The following CEP126 variants were observed in gnomAD, a reference collection of about 807,000 sequenced individuals.
CEP126 encodes centrosomal protein 126.
CEP126 carries 74 observed loss-of-function variants against 107.8 expected under a neutral mutation model. The ratio of observed to expected loss-of-function variants is 0.69; its 90% CI spans 0.57 to 0.83. The LOEUF (loss-of-function observed/expected upper bound fraction) is 0.83, where lower values mean the gene tolerates loss of function less well. Among genes scored for constraint, CEP126 ranks in the 40% least tolerant of loss-of-function variants. CEP126 has a pLI of 0.00. For synonymous variants in CEP126, 449 were observed against 446.0 expected (o/e 1.01, Z -0.08); for missense variants, 1,237 against 1,281.9 (o/e 0.96, Z 0.53).
At chr11:101,919,771 G>A (rs973083682) in intron 1 of CEP126, among the ~76,000 whole-genome samples, 21 of 152,236 alleles carry the variant, frequency 1.4e-4, no homozygotes, top group African/African-American at 4.8e-4. Flanking sequence ...TTATGCTGTC[G>A]TGATGAGACT....
chr11:101,961,979 A>G lies in CEP126; in HGVS notation c.944A>G (p.Asn315Ser). ...KTQHINNWLT[N>S]LDASNTQNVT... ...CAACATATAAATAATTGGCTTACAAATTTAGATGCTTCAAATACTCAGAAT... is the reference window on the plus strand; with the variant it reads ...CAACATATAAATAATTGGCTTACAAGTTTAGATGCTTCAAATACTCAGAAT... Residue 315 changes from asparagine (N) to serine (S), a missense_variant, in exon 6 of 11, where the codon AAT becomes AGT. By Grantham distance (46) the Asn-to-Ser change is conservative. Coordinates refer to ENST00000263468, the MANE Select transcript of CEP126 (RefSeq NM_020802.4). The G allele has an allele frequency of 6.2e-7, 1 of 1,611,946 alleles. No individual in the cohort carries two copies. Among genetic ancestry groups the G allele is most frequent in the Non-Finnish European group, 8.5e-7 (1 of 1,179,020 alleles).
At chr11:101,923,217 G>T (rs1417310945) in intron 2 of CEP126, among the ~76,000 whole-genome samples, 1 of 151,856 alleles carries the variant, frequency 6.6e-6, no homozygotes, top group Admixed American at 6.6e-5. Flanking sequence ...TATGAATAAT[G>T]GTATAAAAAT....
In CEP126 at chr11:101,925,638, G is replaced by A. The variant is rs145832916; in HGVS notation, c.248+2878G>A. Among the ~76,000 whole-genome samples the A allele has an allele frequency of 5.4e-3, 762 of 141,642 alleles. 10 individuals carry two copies. The highest frequency in any genetic ancestry group is 0.019 in the African/African-American group (714 of 37,846). 92.9% of individuals were successfully genotyped at this position (141,642 alleles called of 152,430 possible). A position where few individuals can be genotyped will look rare whatever the true frequency, so the allele number is the denominator to read the frequency against. On this transcript the variant is annotated intron_variant, in intron 2 of 10. Coordinates refer to ENST00000263468, the MANE Select transcript of CEP126 (RefSeq NM_020802.4). ...ACAAAAACTAGCCAGGTGTTGTGGC[G>A]GGTGCCTATAATCCCAGCTACTCAG...
At position 101,999,524 on chromosome 11, in the gene CEP126, G is replaced by A. The variant is rs1443219441; in HGVS notation, c.*1881G>A. 6.7e-6 allele frequency: 1 copy of A among 148,866 alleles called. No homozygotes were observed. The highest frequency in any genetic ancestry group is 1.5e-5 in the Non-Finnish European group (1 of 67,620). The allele number at this position is 148,866 out of a possible 1,614,324, so 9.2% of individuals were successfully genotyped here. A position where few individuals can be genotyped will look rare whatever the true frequency, so the allele number is the denominator to read the frequency against. Reference sequence around the variant, plus strand: ...AAAAAAAAAGCCTAAATAGTAAGCTGGTGAAACAAGATAAGATTTGCATTT... The same window carrying A: ...AAAAAAAAAGCCTAAATAGTAAGCTAGTGAAACAAGATAAGATTTGCATTT... On this transcript the variant is annotated 3_prime_UTR_variant, in exon 11 of 11. Transcript: ENST00000263468.
intron 2 of CEP126, among the ~76,000 whole-genome samples, chr11:101,939,388 ATT>A (rs2137092337): frequency 6.6e-6 from 1 of 152,322 alleles, no homozygotes; most frequent in Non-Finnish European, 1.5e-5. Flanking sequence ...ACTCTAATAA[ATT>A]TGTCTGGTAT....
intron 6 of CEP126, among the ~76,000 whole-genome samples, chr11:101,970,969 G>A (rs1941120715): frequency 6.6e-6 from 1 of 152,016 alleles, no homozygotes; most frequent in African/African-American, 2.4e-5. Context: ...GAGCTACTTT[G>A]TTTCTTCATT....
intron 4 of CEP126, among the ~76,000 whole-genome samples, chr11:101,950,788 A>T (rs988710375): frequency 1.3e-5 from 2 of 152,200 alleles, no homozygotes; most frequent in African/African-American, 2.4e-5. Flanking sequence ...ACAGGGGATG[A>T]TCTAGAAATG....
rs778063292 is a variant in CEP126, at chr11:101,962,678, A to T, written c.1643A>T (p.Asn548Ile). ...QKLAETSSLS[N>I]VTSNYDFVGQ... ...TTAGCTGAAACATCATCCTTGTCTA[A>T]TGTAACTTCTAATTATGACTTTGTT... The change falls in exon 6 of 11, where the codon AAT becomes ATT. Residue 548 changes from asparagine to isoleucine, a missense_variant. Asn to Ile is a moderately radical substitution (Grantham distance 149). Transcript: ENST00000263468. The T allele has an allele frequency of 6.2e-7, 1 of 1,613,364 alleles. No individual in the cohort carries two copies. The highest frequency in any genetic ancestry group is 1.1e-5 in the South Asian group (1 of 90,834).
Position 101,915,048 on chromosome 11 carries a change from G to T in CEP126, c.-237G>T. The T allele has an allele frequency of 2.1e-6, 1 of 482,668 alleles. No individual in the cohort carries two copies. Among genetic ancestry groups the T allele is most frequent in the Non-Finnish European group, 3.6e-6 (1 of 277,372 alleles). The allele number at this position is 482,668 out of a possible 1,614,324, so 29.9% of individuals were successfully genotyped here. On this transcript the variant is annotated 5_prime_UTR_variant, in exon 1 of 11. Coordinates refer to ENST00000263468, the MANE Select transcript of CEP126 (RefSeq NM_020802.4). Reference sequence around the variant, plus strand: ...TTGTCAAGATGGCGGCTGCAGGGTTGCTGCCGCCCCATCTGCTATTGCCCG... The same window carrying T: ...TTGTCAAGATGGCGGCTGCAGGGTTTCTGCCGCCCCATCTGCTATTGCCCG...
chr11:101,987,854 G>C (rs188537411), intron 9 of CEP126, among the ~76,000 whole-genome samples: 148 of 151,912 alleles, frequency 9.7e-4, no homozygotes, highest in Non-Finnish European at 1.6e-3. Flanking sequence ...ATCCCAAACT[G>C]GTAGTATTCC....
chr11:101,964,479 A>G (rs1429889419), intron 6 of CEP126, among the ~76,000 whole-genome samples: 2 of 151,994 alleles, frequency 1.3e-5, no homozygotes, highest in African/African-American at 4.8e-5. Context: ...ACAAAAATAC[A>G]AAAATTAGCC....
rs145904743 is a variant in CEP126 at position 101,962,094 on chromosome 11, G to T, written c.1059G>T (p.Leu353Phe). ...GTAAAGAACAAAATCCATCTCCTTT[G>T]AATGGAACAGTGGAAAGAGCCACAA... is the stretch of plus-strand genomic sequence containing the variant. Reference protein sequence around the residue: ...FNSKEQNPSPLNGTVERATNT... With the variant: ...FNSKEQNPSPFNGTVERATNT... Residue 353 changes from leucine (L) to phenylalanine (F), a missense_variant, in exon 6 of 11, where the codon TTG becomes TTT. Transcript: ENST00000263468. 134 of 1,612,346 alleles carry T rather than the reference G, an allele frequency of 8.3e-5. No homozygotes were observed. The highest frequency in any genetic ancestry group is 1.0e-4 in the Non-Finnish European group (120 of 1,179,442).
intron 2 of CEP126, among the ~76,000 whole-genome samples, chr11:101,940,707 TTG>T (rs1213053039): frequency 6.6e-6 from 1 of 152,226 alleles, no homozygotes; most frequent in Non-Finnish European, 1.5e-5. Context: ...ACCAAGCCAG[TTG>T]TCTCTCTCCA....
At chr11:101,959,588 A>G (rs998309246) in intron 5 of CEP126, among the ~76,000 whole-genome samples, 2 of 152,262 alleles carry the variant, frequency 1.3e-5, no homozygotes, top group Non-Finnish European at 2.9e-5. Context: ...AGAGTAGTCA[A>G]TATAATCAGA....
At chr11:101,919,167 T>TA (rs1253745925) in intron 1 of CEP126, among the ~76,000 whole-genome samples, 1 of 152,058 alleles carries the variant, frequency 6.6e-6, no homozygotes, top group Non-Finnish European at 1.5e-5. Context: ...GTAAGAAGAA[T>TA]TAGAGGAGCA....
chr11:101,983,200 A>G (rs914632763), intron 8 of CEP126, among the ~76,000 whole-genome samples: 1 of 152,240 alleles, frequency 6.6e-6, no homozygotes, highest in Non-Finnish European at 1.5e-5. Context: ...TAAGAAAAAG[A>G]GGAAACATTT....
Position 101,963,160 on chromosome 11 carries a change from A to G in CEP126, c.2125A>G (p.Met709Val), listed in dbSNP as rs1224749314. Residue 709 changes from methionine to valine, a missense_variant, in exon 6 of 11, where the codon ATG becomes GTG. Around this residue, in one of 3 missense-constraint regions of CEP126, gnomAD observed 1,134 missense variants for 1,150.5 expected, o/e 0.99. Coordinates refer to ENST00000263468, the MANE Select transcript of CEP126 (RefSeq NM_020802.4). ...TTTAGGAGGATCTGGAGCAGACCATATGCCTTTGAACTGTTTTATACCTTC... is the reference window on the plus strand; with the variant it reads ...TTTAGGAGGATCTGGAGCAGACCATGTGCCTTTGAACTGTTTTATACCTTC... Reference protein sequence around the residue: ...TTLGGSGADHMPLNCFIPSGY... With the variant: ...TTLGGSGADHVPLNCFIPSGY... The G allele has an allele frequency of 6.2e-7, 1 of 1,613,966 alleles. No individual in the cohort carries two copies. Among genetic ancestry groups the G allele is most frequent in the Admixed American group, 1.7e-5 (1 of 60,000 alleles).
At chr11:101,990,078 T>C (rs1306975838) in intron 9 of CEP126, among the ~76,000 whole-genome samples, 1 of 148,968 alleles carries the variant, frequency 6.7e-6, no homozygotes, top group Admixed American at 6.6e-5. Context: ...TATTAGAAAT[T>C]GTTTAAATTT....
chr11:101,986,941 T>G lies in CEP126; in HGVS notation c.3144T>G (p.Asn1048Lys). Residue 1048 changes from asparagine (N) to lysine (K), a missense_variant, in exon 9 of 11, where the codon AAT (asparagine) becomes AAG (lysine). Around this residue, in one of 3 missense-constraint regions of CEP126, gnomAD observed 99 missense variants for 114.4 expected, o/e 0.87. Coordinates refer to ENST00000263468, the MANE Select transcript of CEP126 (RefSeq NM_020802.4). ...ATAGCAAACAGATACAGAAATCAAA[T>G]CTACCTTTAAATAAAACTCAACAAT... The part of the protein sequence containing the change: ...VLNSKQIQKS[N>K]LPLNKTQQFN... The G allele has an allele frequency of 6.2e-7, 1 of 1,613,778 alleles. No individual in the cohort carries two copies. Among genetic ancestry groups the G allele is most frequent in the Non-Finnish European group, 8.5e-7 (1 of 1,179,822 alleles).
Sources: gnomAD v4.1 joint callset for allele counts (sites outside exome capture counted in the v4.1 genomes callset) on GRCh38, gnomAD v4.1.1 for gene constraint, gnomAD v4.1.1 regional missense constraint, MANE v1.5 for transcripts, NCBI Gene and HGNC (gene_info 2026-07-23, HGNC 2026-07-21) for gene names.